RIPK1: variants seen among roughly 807,000 people sequenced by gnomAD.
RIPK1 encodes receptor interacting serine/threonine kinase 1.
RIPK1 carries 27 observed loss-of-function variants against 62.4 expected under a neutral mutation model. The ratio of observed to expected loss-of-function variants is 0.43; its 90% CI spans 0.32 to 0.60. The LOEUF is 0.60. Ranked by LOEUF, RIPK1 falls within the 20% of genes least tolerant of loss-of-function variation. The probability of loss-of-function intolerance (pLI) is 0.07; values close to 1 mark genes in which losing one functional copy is unlikely to be tolerated. For missense variants in RIPK1, 735 were observed against 831.0 expected, an observed-to-expected ratio of 0.88 and a Z score of 1.42; for synonymous variants, 287 against 303.2, an observed-to-expected ratio of 0.95 and a Z score of 0.55.
At chr6:3,075,118 C>G (rs933141039) in intron 1 of RIPK1, among the ~76,000 whole-genome samples, 1 of 152,322 alleles carries the variant, frequency 6.6e-6, no homozygotes, top group East Asian at 1.9e-4. Context: ...TGTTTTGCCA[C>G]GAAGCTTTTT....
intron 7 of RIPK1, among the ~76,000 whole-genome samples, chr6:3,096,645 T>C (rs1210711218): frequency 6.8e-6 from 1 of 146,472 alleles, no homozygotes; most frequent in Non-Finnish European, 1.5e-5. Flanking sequence ...CTGCAAGCTC[T>C]GCCTCCTGGG....
At chr6:3,096,760 C>T (rs1458977319) in intron 7 of RIPK1, among the ~76,000 whole-genome samples, 4 of 150,780 alleles carry the variant, frequency 2.7e-5, no homozygotes, top group South Asian at 2.1e-4. Flanking sequence ...GGTGTTTCAC[C>T]GTGTCAGCTA....
At chr6:3,110,607 C>CT (rs34063767) in intron 9 of RIPK1, among the ~76,000 whole-genome samples, 196 bp from the exon 10 acceptor site, 4,940 of 143,288 alleles carry the variant, frequency 0.034, 104 homozygotes, top group South Asian at 0.086. Flanking sequence ...TGTGTTATTT[C>CT]TTTTTTTTTT....
Position 3,082,022 on chromosome 6 carries a change from G to T in RIPK1, c.459+906G>T, listed in dbSNP as rs181466792. The stretch of plus-strand genomic sequence containing the variant: ...CTTTGAACACATTCTTTCCATTGTC[G>T]TAAAGGGAACAAGGGAAAGGGATTT... On this transcript the variant is annotated intron_variant, in intron 4 of 10. Coordinates refer to ENST00000259808, the MANE Select transcript of RIPK1 (RefSeq NM_001354930.2). Among the ~76,000 whole-genome samples the T allele has an allele frequency of 1.8e-3, 275 of 151,186 alleles. 4 individuals are homozygous for T. The highest frequency in any genetic ancestry group is 6.4e-3 in the African/African-American group (264 of 41,120).
chr6:3,110,595 T>C (rs544875479), intron 9 of RIPK1, among the ~76,000 whole-genome samples: 1 of 151,940 alleles, frequency 6.6e-6, no homozygotes, highest in African/African-American at 2.4e-5. Flanking sequence ...TCTTTGTCAA[T>C]ATGTGTTATT....
At chr6:3,085,090 T>G (rs1251734677) in intron 5 of RIPK1, among the ~76,000 whole-genome samples, 169 bp from the exon 6 acceptor site, 1 of 152,248 alleles carries the variant, frequency 6.6e-6, no homozygotes, top group East Asian at 1.9e-4. Flanking sequence ...AGATATTGTT[T>G]GGTCATCTCT....
At chr6:3,085,756 C>T (rs1581400926) in intron 6 of RIPK1, among the ~76,000 whole-genome samples, 1 of 152,176 alleles carries the variant, frequency 6.6e-6, no homozygotes, top group East Asian at 1.9e-4. Context: ...CGTCTCTCTC[C>T]CTGCCCCTGG....
chr6:3,069,496 T>A (rs929271602), intron 1 of RIPK1, among the ~76,000 whole-genome samples: 1 of 152,216 alleles, frequency 6.6e-6, no homozygotes, highest in Non-Finnish European at 1.5e-5. Flanking sequence ...GGGTTGTTAG[T>A]TCTTTCTCTC....
chr6:3,113,417 T>C lies in RIPK1; in HGVS notation c.*78T>C. The C allele has an allele frequency of 1.4e-6, 2 of 1,407,746 alleles. No individual in the cohort carries two copies. Among genetic ancestry groups the C allele is most frequent in the South Asian group, 1.3e-5 (1 of 74,354 alleles). 87.2% of individuals were successfully genotyped at this position (1,407,746 alleles called of 1,614,324 possible). A position where few individuals can be genotyped will look rare whatever the true frequency, so the allele number is the denominator to read the frequency against. On this transcript the variant is annotated 3_prime_UTR_variant, in exon 11 of 11. Transcript: ENST00000259808. The surrounding 1 kb of genome is among the most constrained non-coding windows in gnomAD (Gnocchi z 5.0). Reference sequence around the variant, plus strand: ...CAGAAAGTTGGCTGCCTCAGAGCATTCAGAATTCTGTCCTCACTGATAGGG... The same window carrying C: ...CAGAAAGTTGGCTGCCTCAGAGCATCCAGAATTCTGTCCTCACTGATAGGG...
At chr6:3,078,069 TC>T (rs1418261223) in intron 3 of RIPK1, 134 bp downstream of exon 3, 1 of 842,512 alleles carries the variant, frequency 1.2e-6, no homozygotes, top group East Asian at 2.7e-5. Flanking sequence ...AATTTTCTTT[TC>T]CTTTTTTTAT....
intron 10 of RIPK1, 45 bp downstream of exon 10, chr6:3,111,000 T>C (rs1454157572): frequency 6.9e-7 from 1 of 1,448,452 alleles, no homozygotes; most frequent in Non-Finnish European, 9.3e-7. Context: ...CCTTGAACTT[T>C]CTTACTTGTG....
intron 9 of RIPK1, among the ~76,000 whole-genome samples, chr6:3,109,546 G>C (rs1761046464): frequency 6.6e-6 from 1 of 152,168 alleles, no homozygotes; most frequent in South Asian, 2.1e-4. Context: ...GTTCAGAGTC[G>C]TGGGATCCCG....
chr6:3,097,341 T>C (rs2113667126), intron 7 of RIPK1, among the ~76,000 whole-genome samples: 1 of 152,334 alleles, frequency 6.6e-6, no homozygotes. Flanking sequence ...TATCAGATTC[T>C]TGTCAAGAAT....
chr6:3,073,563 C>T lies in RIPK1; in HGVS notation c.-60-3201C>T, dbSNP rs140960702. Among the ~76,000 whole-genome samples, 390 of 152,236 alleles carry T rather than the reference C, an allele frequency of 2.6e-3. 1 individual carries two copies. Among genetic ancestry groups the T allele is most frequent in the African/African-American group, 8.8e-3 (364 of 41,536 alleles). The stretch of plus-strand genomic sequence containing the variant: ...CTTCATCTAGGCAGCCCCCCGCCTC[C>T]ACCCACTGCCCACGTCCCACCGATG... On this transcript the variant is annotated intron_variant, in intron 1 of 10. Transcript: ENST00000259808.
At chr6:3,082,612 T>C (rs955833833) in intron 4 of RIPK1, among the ~76,000 whole-genome samples, 6 of 152,184 alleles carry the variant, frequency 3.9e-5, no homozygotes, top group Admixed American at 6.5e-5. Context: ...TTGGGATCCT[T>C]GGACACTTGC....
chr6:3,076,827 C>A lies in RIPK1; in HGVS notation c.4C>A (p.Gln2Lys). ...TTGGGCGTTCTTGAGCTTCAGAATGCAACCAGACATGTCCTTGAATGTCAT... is the reference window on the plus strand; with the variant it reads ...TTGGGCGTTCTTGAGCTTCAGAATGAAACCAGACATGTCCTTGAATGTCAT... M[Q>K]PDMSLNVIKM... Residue 2 changes from glutamine (Q) to lysine (K), a missense_variant, in exon 2 of 11, where the codon CAA becomes AAA. This residue lies in a region of RIPK1 where 671 missense variants were observed against 726.2 expected (regional missense o/e 0.92). Coordinates refer to ENST00000259808, the MANE Select transcript of RIPK1 (RefSeq NM_001354930.2). 1 of 1,612,402 alleles carries A rather than the reference C, an allele frequency of 6.2e-7. No homozygotes were observed. Among genetic ancestry groups the A allele is most frequent in the Non-Finnish European group, 8.5e-7 (1 of 1,179,568 alleles).
chr6:3,099,787 G>A (rs1462659417), intron 7 of RIPK1, among the ~76,000 whole-genome samples: 4 of 152,116 alleles, frequency 2.6e-5, no homozygotes, highest in East Asian at 1.9e-4. Flanking sequence ...TAAGAGTGGC[G>A]AAGTTTATTA....
intron 6 of RIPK1, among the ~76,000 whole-genome samples, chr6:3,088,962 G>A (rs1759870496): frequency 6.6e-6 from 1 of 152,182 alleles, no homozygotes; most frequent in South Asian, 2.1e-4. Context: ...ATGAGGAAAA[G>A]AGAAAATCCA....
Position 3,113,381 on chromosome 6 carries a change from G to C in RIPK1, c.*42G>C, listed in dbSNP as rs200023655. On this transcript the variant is annotated 3_prime_UTR_variant, in exon 11 of 11. Transcript: ENST00000259808. The surrounding 1 kb of genome is among the most constrained non-coding windows in gnomAD (Gnocchi z 5.0). ...GCAGCTGAAGTGGACGCCTCACTTA[G>C]TGGATAACCCCAGAAAGTTGGCTGC... 3.1e-4 allele frequency: 483 copies of C among 1,578,060 alleles called. 2 individuals are homozygous for C. The African/African-American group carries it at 6.0e-3, about 20-fold the overall frequency.
Sources: gnomAD v4.1 joint callset for allele counts (sites outside exome capture counted in the v4.1 genomes callset) on GRCh38, gnomAD v4.1.1 for gene constraint, gnomAD v4.1.1 regional missense constraint, Gnocchi (gnomAD v3.1) non-coding constraint, MANE v1.5 for transcripts, NCBI Gene and HGNC (gene_info 2026-07-23, HGNC 2026-07-21) for gene names.